FGF14: variants seen among roughly 807,000 people sequenced by gnomAD.
The protein encoded by FGF14 is fibroblast growth factor 14, also known as fibroblast growth factor homologous factor 4.
Under a neutral mutation model 25.5 loss-of-function variants are expected in FGF14, and 5 were observed. That is an observed-to-expected ratio of 0.20 (90% CI 0.10 to 0.41). FGF14 has a LOEUF of 0.41. Among genes scored for constraint, FGF14 ranks in the 10% least tolerant of loss-of-function variants. The pLI is 1.00. For synonymous variants in FGF14, 138 were observed against 118.3 expected (o/e 1.17, Z -1.08); for missense variants, 222 against 320.1 (o/e 0.69, Z 2.34).
At chr13:101,943,826 A>AATATATATATATATATATATAT (rs1206422692) in intron 1 of FGF14, among the ~76,000 whole-genome samples, 1 of 126,804 alleles carries the variant, frequency 7.9e-6, no homozygotes, top group African/African-American at 3.4e-5. Flanking sequence ...AAAAAAAAAA[A>AATATATATATATATATATATAT]ATATATATAT....
chr13:102,231,665 G>A (rs7317530), intron 1 of FGF14, among the ~76,000 whole-genome samples: 124,804 of 152,166 alleles, frequency 0.82, 51,796 homozygotes, highest in African/African-American at 0.95. Context: ...TGGCTATCTC[G>A]TTACTCATGA....
chr13:102,325,629 T>C (rs2056400795), intron 1 of FGF14, among the ~76,000 whole-genome samples: 1 of 152,174 alleles, frequency 6.6e-6, no homozygotes, highest in Admixed American at 6.5e-5. Flanking sequence ...CAATTTAAAA[T>C]TTCAATTTGC....
At chr13:102,096,001 G>GTGTATATA (rs143224591) in intron 1 of FGF14, among the ~76,000 whole-genome samples, 2,009 of 134,994 alleles carry the variant, frequency 0.015, 19 homozygotes, top group Admixed American at 0.027. Flanking sequence ...GTGTGTGTGT[G>GTGTATATA]TATATATATA....
In FGF14 at chr13:102,132,334, A is replaced by G. The variant is rs74108991; in HGVS notation, c.209-257038T>C. 4.2e-3 allele frequency among the ~76,000 whole-genome samples: 645 copies of G among 152,276 alleles called. 4 individuals carry two copies. Among genetic ancestry groups the G allele is most frequent in the African/African-American group, 0.015 (619 of 41,532 alleles). On this transcript the variant is annotated intron_variant, in intron 1 of 4. Coordinates refer to the FGF14 transcript ENST00000376131. ...AGTACTACTTTTGTAAATTTAAGAC[A>G]TATACACATAAAACATTACATATTG... is the stretch of plus-strand genomic sequence containing the variant.
intron 1 of FGF14, among the ~76,000 whole-genome samples, chr13:102,077,427 A>G (rs1265503328): frequency 6.6e-6 from 1 of 152,186 alleles, no homozygotes; most frequent in Admixed American, 6.5e-5. Flanking sequence ...ATACACAAGG[A>G]ACTCATATAC....
chr13:101,797,173 G>A (rs558668965), intron 3 of FGF14, among the ~76,000 whole-genome samples: 2 of 152,220 alleles, frequency 1.3e-5, no homozygotes, highest in East Asian at 1.9e-4. Context: ...CTTACTGAAT[G>A]CATTTTTCTT....
Position 102,255,954 on chromosome 13 carries a change from T to C in FGF14, c.208+145517A>G, listed in dbSNP as rs144836387. 2.7e-3 allele frequency among the ~76,000 whole-genome samples: 407 copies of C among 152,242 alleles called. 3 individuals carry two copies. Among genetic ancestry groups the C allele is most frequent in the Non-Finnish European group, 4.4e-3 (298 of 68,014 alleles). The stretch of plus-strand genomic sequence containing the variant: ...AGGCATGCTTGATGGTGGGACTGGT[T>C]CTGGTGGAGAAACGGGTTTTAGAAA... On this transcript the variant is annotated intron_variant, in intron 1 of 4. Coordinates refer to the FGF14 transcript ENST00000376131.
chr13:101,726,629 A>T lies in FGF14; in HGVS notation c.590T>A (p.Leu197Gln). 1 of 1,613,402 alleles carries T rather than the reference A, an allele frequency of 6.2e-7. No individual in the cohort carries two copies. The highest frequency in any genetic ancestry group is 8.5e-7 in the Non-Finnish European group (1 of 1,179,534). Residue 197 changes from leucine (L) to glutamine (Q), a missense_variant, in exon 4 of 5, where the codon CTA becomes CAA. By Grantham distance (113) the Leu-to-Gln change is moderately radical. Coordinates refer to ENST00000376143, the MANE Select transcript of FGF14 (RefSeq NM_004115.4). ...ATACTCACCTTCCAATGGCTTGGGT[A>T]GAAAATGAGCTGCTGGTTTGGTTTT... ...VKKTKPAAHF[L>Q]PKPLEVAMYR...
At chr13:102,274,946 C>T (rs1462682520) in intron 1 of FGF14, among the ~76,000 whole-genome samples, 1 of 150,188 alleles carries the variant, frequency 6.7e-6, no homozygotes, top group Non-Finnish European at 1.5e-5. Context: ...TAGCATTTTA[C>T]TCGTAATAGC....
chr13:102,026,581 T>A (rs972154359), intron 1 of FGF14, among the ~76,000 whole-genome samples: 1 of 151,990 alleles, frequency 6.6e-6, no homozygotes, highest in African/African-American at 2.4e-5. Flanking sequence ...AGAACTGAGT[T>A]TAGTGTTCTG....
intron 1 of FGF14, among the ~76,000 whole-genome samples, chr13:102,162,806 G>C (rs2047835131): frequency 6.6e-6 from 1 of 152,136 alleles, no homozygotes. Context: ...GTTGAAATGA[G>C]CTGCCAGGTT....
intron 3 of FGF14, among the ~76,000 whole-genome samples, chr13:101,799,992 T>C (rs867273209): frequency 2.3e-4 from 35 of 152,220 alleles, no homozygotes; most frequent in Middle Eastern, 3.4e-3. Context: ...AAACTTTACA[T>C]AGAAGGAATG....
chr13:102,015,311 C>T (rs866334687), intron 1 of FGF14, among the ~76,000 whole-genome samples: 6 of 152,156 alleles, frequency 3.9e-5, no homozygotes, highest in South Asian at 2.1e-4. Flanking sequence ...GCTCTGCTTT[C>T]GTATCACCAA....
At chr13:102,165,772 A>G (rs2772371) in intron 1 of FGF14, among the ~76,000 whole-genome samples, 3,946 of 150,922 alleles carry the variant, frequency 0.026, 176 homozygotes, top group African/African-American at 0.091. Flanking sequence ...TATGTAACCT[A>G]CACGTTGTGC....
intron 1 of FGF14, among the ~76,000 whole-genome samples, chr13:102,004,730 G>A (rs1051173780): frequency 1.3e-5 from 2 of 152,150 alleles, no homozygotes; most frequent in Non-Finnish European, 2.9e-5. Context: ...GGTCATGGGA[G>A]GCATCCGATG....
intron 1 of FGF14, among the ~76,000 whole-genome samples, chr13:102,154,836 G>GA (rs1003163375): frequency 4.2e-4 from 61 of 144,072 alleles, no homozygotes; most frequent in South Asian, 3.5e-3. Flanking sequence ...CAAGCAAATG[G>GA]AAAAAAAAAA....
At chr13:101,797,791 A>T (rs578062436) in intron 3 of FGF14, among the ~76,000 whole-genome samples, 2 of 104,072 alleles carry the variant, frequency 1.9e-5, no homozygotes, top group African/African-American at 3.2e-5. Flanking sequence ...GTTCAACCTC[A>T]GTAGAAACAG....
intron 1 of FGF14, among the ~76,000 whole-genome samples, chr13:102,261,905 C>G (rs1594626169): frequency 6.6e-6 from 1 of 152,108 alleles, no homozygotes; most frequent in South Asian, 2.1e-4. Flanking sequence ...AAATGCTTGA[C>G]AGATGGGATG....
At chr13:102,393,998 G>A (rs2058499326) in intron 1 of FGF14, among the ~76,000 whole-genome samples, 1 of 152,196 alleles carries the variant, frequency 6.6e-6, no homozygotes, top group African/African-American at 2.4e-5. Flanking sequence ...GAACGTTATG[G>A]GAACCTAGAA....
Sources: allele counts gnomAD v4.1 joint callset (sites outside exome capture counted in the v4.1 genomes callset), GRCh38; gene constraint gnomAD v4.1.1; transcripts MANE v1.5; gene names NCBI Gene and HGNC (gene_info 2026-07-23, HGNC 2026-07-21).